RFX3: variants seen among roughly 807,000 people sequenced by gnomAD.
RFX3 encodes regulatory factor X3.
In RFX3, 14 loss-of-function variants were observed where a neutral mutation model predicts 98.6. The ratio of observed to expected loss-of-function variants is 0.14; its 90% confidence interval spans 0.09 to 0.22. The LOEUF (loss-of-function observed/expected upper bound fraction) is 0.22, where lower values mean the gene tolerates loss of function less well. Ranked by LOEUF, RFX3 falls within the 10% of genes least tolerant of loss-of-function variation. RFX3 has a pLI of 1.00. For missense variants in RFX3, 639 were observed against 926.9 expected (o/e 0.69, Z 4.03); for synonymous variants, 383 against 328.4 (o/e 1.17, Z -1.80).
intron 1 of RFX3, among the ~76,000 whole-genome samples, chr9:3,487,756 TC>T (rs1224070013): frequency 2.0e-5 from 3 of 152,090 alleles, no homozygotes; most frequent in Non-Finnish European, 4.4e-5. Context: ...CAATTATCCC[TC>T]CAAAGGTGTC....
chr9:3,307,386 T>A lies in RFX3; in HGVS notation c.475-5766A>T, dbSNP rs1348340154. ...GAAAGGGAATTAATCTGACATCACT[T>A]CATATATTATTAATAATTTGGGATA... On this transcript the variant is annotated intron_variant, in intron 4 of 16. Transcript: ENST00000617270. 2.0e-5 allele frequency among the ~76,000 whole-genome samples: 3 copies of A among 152,110 alleles called. No homozygotes were observed. In the East Asian group the frequency reaches 5.8e-4, roughly 29 times the overall value.
intron 4 of RFX3, among the ~76,000 whole-genome samples, chr9:3,323,265 G>A (rs1048746870): frequency 3.3e-5 from 5 of 152,086 alleles, no homozygotes; most frequent in Middle Eastern, 3.2e-3. Context: ...GCACTGTGTC[G>A]TATTTTTCCC....
chr9:3,387,339 G>C (rs1218496683), intron 2 of RFX3, among the ~76,000 whole-genome samples: 2 of 152,012 alleles, frequency 1.3e-5, no homozygotes, highest in Admixed American at 1.3e-4. Flanking sequence ...ATGGTATCTA[G>C]AACTGATCAC....
At chr9:3,275,307 A>G (rs1043043969) in intron 9 of RFX3, among the ~76,000 whole-genome samples, 193 bp downstream of exon 9, 7 of 152,172 alleles carry the variant, frequency 4.6e-5, no homozygotes, top group African/African-American at 1.4e-4. Flanking sequence ...ACTTATTCTC[A>G]CTTTTCTGCA....
intron 16 of RFX3, among the ~76,000 whole-genome samples, chr9:3,227,145 C>T (rs138611379): frequency 9.3e-4 from 142 of 152,210 alleles, no homozygotes; most frequent in African/African-American, 3.3e-3. Flanking sequence ...ACAGACTTCC[C>T]TGTACCTAAG....
At chr9:3,502,617 TA>T (rs1349043054) in intron 1 of RFX3, among the ~76,000 whole-genome samples, 1 of 152,334 alleles carries the variant, frequency 6.6e-6, no homozygotes, top group East Asian at 1.9e-4. Flanking sequence ...ATTCCAACTC[TA>T]AATCTAACAT....
intron 3 of RFX3, among the ~76,000 whole-genome samples, chr9:3,345,771 G>A (rs12337888): frequency 6.6e-6 from 1 of 152,038 alleles, no homozygotes; most frequent in Non-Finnish European, 1.5e-5. Flanking sequence ...GCACACTTCT[G>A]GTGTTGAGTT....
At chr9:3,225,477 T>G (rs1157691551) in intron 16 of RFX3, among the ~76,000 whole-genome samples, 197 bp from the exon 17 acceptor site, 3 of 152,198 alleles carry the variant, frequency 2.0e-5, no homozygotes, top group Non-Finnish European at 4.4e-5. Flanking sequence ...TATAATTCTT[T>G]CAAACATAGT....
chr9:3,223,429 A>C lies in RFX3; in HGVS notation c.*1613T>G, dbSNP rs1210941582. The C allele has an allele frequency of 6.6e-6, 1 of 152,208 alleles. No individual in the cohort carries two copies. Among genetic ancestry groups the C allele is most frequent in the Admixed American group, 6.5e-5 (1 of 15,278 alleles). 9.4% of individuals were successfully genotyped at this position (152,208 alleles called of 1,614,324 possible). On this transcript the variant is annotated 3_prime_UTR_variant, in exon 17 of 17. Transcript: ENST00000617270. ...CACACAGACAAACATTTAGACTGAA[A>C]AGATGCACTTCGATAAGTACCTGCT...
intron 1 of RFX3, among the ~76,000 whole-genome samples, chr9:3,412,510 T>C (rs551847936): frequency 1.3e-5 from 2 of 152,174 alleles, no homozygotes; most frequent in African/African-American, 2.4e-5. Flanking sequence ...ATTTAGTTAT[T>C]TTTTTCTTCT....
intron 2 of RFX3, among the ~76,000 whole-genome samples, chr9:3,357,677 T>C (rs1201606012): frequency 3.3e-5 from 5 of 151,988 alleles, no homozygotes; most frequent in Admixed American, 3.3e-4. Flanking sequence ...TAGTATTTGG[T>C]AGTATAGTAG....
At chr9:3,521,813 T>C (rs1257014768) in intron 1 of RFX3, among the ~76,000 whole-genome samples, 4 of 152,286 alleles carry the variant, frequency 2.6e-5, no homozygotes, top group Non-Finnish European at 4.4e-5. Context: ...AAAAGTTAAC[T>C]TGTCATGTTA....
chr9:3,498,466 G>A (rs1356761130), intron 1 of RFX3, among the ~76,000 whole-genome samples: 2 of 151,992 alleles, frequency 1.3e-5, no homozygotes, highest in South Asian at 4.1e-4. Context: ...CACAGCAAGA[G>A]TGAGAAAACA....
intron 1 of RFX3, among the ~76,000 whole-genome samples, chr9:3,475,110 A>AAG (rs1554720227): frequency 1.3e-5 from 2 of 151,450 alleles, no homozygotes; most frequent in African/African-American, 4.9e-5. Context: ...CAAAAAAAAA[A>AAG]AAAGAAAGAA....
intron 11 of RFX3, among the ~76,000 whole-genome samples, chr9:3,268,097 C>T (rs1373990366): frequency 6.6e-6 from 1 of 151,830 alleles, no homozygotes; most frequent in African/African-American, 2.4e-5. Context: ...TCTGGTTATA[C>T]TTCCAATTGT....
At chr9:3,427,916 C>A (rs967218761) in intron 1 of RFX3, among the ~76,000 whole-genome samples, 2 of 152,066 alleles carry the variant, frequency 1.3e-5, no homozygotes, top group Admixed American at 1.3e-4. Context: ...GCTGCTTCAA[C>A]AGGCCTAGAT....
intron 3 of RFX3, among the ~76,000 whole-genome samples, chr9:3,337,301 T>C (rs1241798595): frequency 6.6e-6 from 1 of 152,184 alleles, no homozygotes; most frequent in African/African-American, 2.4e-5. Flanking sequence ...ATATGTCTGA[T>C]TGAACTAGAC....
chr9:3,417,296 A>G (rs1414243592), intron 1 of RFX3, among the ~76,000 whole-genome samples: 1 of 152,094 alleles, frequency 6.6e-6, no homozygotes, highest in Non-Finnish European at 1.5e-5. Flanking sequence ...AGTAGTAAAG[A>G]TATAAAAAAA....
chr9:3,311,431 G>A (rs759065140), intron 4 of RFX3, among the ~76,000 whole-genome samples: 8 of 152,214 alleles, frequency 5.3e-5, no homozygotes, highest in Non-Finnish European at 1.0e-4. Flanking sequence ...CCTGGTGTGT[G>A]TGAAGAGGAG....
Sources: gnomAD v4.1 joint callset for allele counts (sites outside exome capture counted in the v4.1 genomes callset) on GRCh38, gnomAD v4.1.1 for gene constraint, MANE v1.5 for transcripts, NCBI Gene and HGNC (gene_info 2026-07-23, HGNC 2026-07-21) for gene names.